AVEN: variants seen among roughly 807,000 people sequenced by gnomAD.
AVEN encodes the protein cell death regulator Aven.
AVEN carries 41 observed loss-of-function variants against 38.1 expected under a neutral mutation model. That is an observed-to-expected ratio of 1.08 (90% CI 0.84 to 1.40). The LOEUF is 1.40. Among genes scored for constraint, AVEN ranks in the 40% most tolerant of loss-of-function variants. The probability of loss-of-function intolerance (pLI) is 0.00; values close to 1 mark genes in which losing one functional copy is unlikely to be tolerated. For synonymous variants in AVEN, 206 were observed against 171.8 expected, an observed-to-expected ratio of 1.20 and a Z score of -1.56; for missense variants, 605 against 438.8, an observed-to-expected ratio of 1.38 and a Z score of -3.38.
chr15:33,997,686 T>C (rs1220572605), intron 2 of AVEN, among the ~76,000 whole-genome samples: 2 of 152,152 alleles, frequency 1.3e-5, no homozygotes, highest in Non-Finnish European at 2.9e-5. Flanking sequence ...GCCCCTCATC[T>C]TCTCTCATAT....
intron 1 of AVEN, among the ~76,000 whole-genome samples, chr15:34,030,212 C>G (rs764070316): frequency 3.9e-5 from 6 of 152,090 alleles, no homozygotes; most frequent in Admixed American, 6.5e-5. Context: ...TGAGATCACA[C>G]CACTGCATTC....
At chr15:33,937,362 T>C (rs1255232805) in intron 2 of AVEN, among the ~76,000 whole-genome samples, 1 of 150,522 alleles carries the variant, frequency 6.6e-6, no homozygotes, top group African/African-American at 2.4e-5. Context: ...GTGAAACCCA[T>C]CTCTACTAAA....
rs148989788 is a variant in AVEN at position 34,029,955 on chromosome 15, T to C, written c.267+8825A>G. Among the ~76,000 whole-genome samples the C allele has an allele frequency of 4.3e-4, 66 of 152,224 alleles. 1 individual carries two copies. The East Asian group carries it at 9.7e-3, about 22-fold the overall frequency. ...TAGAATGTGAACTCTAGATTCACAA[T>C]AGAACTATAAATTCCAAGCCGAGCA... On this transcript the variant is annotated intron_variant, in intron 1 of 5. Transcript: ENST00000306730.
downstream of AVEN, chr15:33,865,034 C>G: frequency 1.2e-6 from 1 of 816,714 alleles, no homozygotes; most frequent in South Asian, 1.6e-5. Flanking sequence ...AAATTCACAT[C>G]AGTCTTCCTA....
chr15:33,926,913 C>A (rs1216152099), intron 2 of AVEN, among the ~76,000 whole-genome samples: 2 of 151,978 alleles, frequency 1.3e-5, no homozygotes, highest in Non-Finnish European at 2.9e-5. Flanking sequence ...CCTCAGCCTC[C>A]CAAATTGCTA....
intron 1 of AVEN, among the ~76,000 whole-genome samples, chr15:34,011,517 G>A (rs1017579909): frequency 1.3e-5 from 2 of 152,150 alleles, no homozygotes; most frequent in Non-Finnish European, 2.9e-5. Flanking sequence ...TTAAGAATGG[G>A]AATAAAATGA....
intron 2 of AVEN, among the ~76,000 whole-genome samples, chr15:33,941,996 G>A (rs1437434670): frequency 1.3e-5 from 2 of 152,166 alleles, no homozygotes; most frequent in Non-Finnish European, 2.9e-5. Context: ...TCAGTCCTAG[G>A]AGGTTAGATA....
chr15:34,032,397 A>G, intron 1 of AVEN, among the ~76,000 whole-genome samples: 1 of 152,170 alleles, frequency 6.6e-6, no homozygotes, highest in East Asian at 1.9e-4. Flanking sequence ...CAGAAAACAC[A>G]TGCCAGTGGT....
intron 2 of AVEN, among the ~76,000 whole-genome samples, chr15:33,977,852 G>T (rs1895950972): frequency 6.6e-6 from 1 of 152,068 alleles, no homozygotes; most frequent in Non-Finnish European, 1.5e-5. Flanking sequence ...CAGGAGGATT[G>T]CTTGAGCCCA....
chr15:33,982,372 C>T (rs1896189598), intron 2 of AVEN, among the ~76,000 whole-genome samples: 2 of 151,698 alleles, frequency 1.3e-5, no homozygotes, highest in South Asian at 2.1e-4. Flanking sequence ...AGTAATGACC[C>T]CAAGAATTAC....
intron 2 of AVEN, among the ~76,000 whole-genome samples, chr15:33,890,995 G>T (rs1212402759): frequency 2.0e-5 from 3 of 152,050 alleles, no homozygotes; most frequent in African/African-American, 7.2e-5. Flanking sequence ...TGTAGTCCCA[G>T]CTACTTGAGA....
chr15:33,902,801 C>T (rs1280132118), intron 2 of AVEN, among the ~76,000 whole-genome samples: 7 of 152,046 alleles, frequency 4.6e-5, no homozygotes, highest in Admixed American at 3.9e-4. Flanking sequence ...GACAACAATC[C>T]CATTTTTGAT....
At chr15:33,945,058 G>A (rs1894458042) in intron 2 of AVEN, among the ~76,000 whole-genome samples, 1 of 152,152 alleles carries the variant, frequency 6.6e-6, no homozygotes, top group Admixed American at 6.5e-5. Context: ...CAGACCAGAT[G>A]AATTCAGTTC....
At chr15:33,906,833 T>C (rs780622779) in intron 2 of AVEN, among the ~76,000 whole-genome samples, 6 of 152,188 alleles carry the variant, frequency 3.9e-5, no homozygotes, top group Non-Finnish European at 7.3e-5. Flanking sequence ...TGCATAGCAG[T>C]GTGAATACAC....
At chr15:34,017,481 T>TTG (rs1181705278) in intron 1 of AVEN, among the ~76,000 whole-genome samples, 568 of 51,978 alleles carry the variant, frequency 0.011, 8 homozygotes, top group Middle Eastern at 0.048. Context: ...TGATTTTTTT[T>TTG]TTGTTTTTTT....
chr15:33,871,791 A>AAAAAAAAAAAAAAAAAAAAAAAAAG (rs1890965933), intron 3 of AVEN, among the ~76,000 whole-genome samples: 1 of 151,600 alleles, frequency 6.6e-6, no homozygotes, highest in African/African-American at 2.4e-5. Flanking sequence ...AAAAAAAAAA[A>AAAAAAAAAAAAAAAAAAAAAAAAAG]GCCACTTTGT....
upstream of AVEN, among the ~76,000 whole-genome samples, chr15:34,040,655 G>T (rs747212936): frequency 6.6e-6 from 1 of 151,986 alleles, no homozygotes; most frequent in Non-Finnish European, 1.5e-5. Flanking sequence ...CAGGCCAGGT[G>T]TGTGGTTCGT....
At chr15:33,853,115 C>T in the AVEN span, 6 of 1,543,660 alleles carry the variant, frequency 3.9e-6, no homozygotes, top group Admixed American at 4.2e-5. Flanking sequence ...GGGTGAGTTC[C>T]GTGATCACCA....
At chr15:34,050,789 A>C (rs1305282178) in intron 5 of AVEN, among the ~76,000 whole-genome samples, 1 of 152,234 alleles carries the variant, frequency 6.6e-6, no homozygotes. Flanking sequence ...TCAATTCAAC[A>C]AGAAGAGCTA....
Sources: allele counts gnomAD v4.1 joint callset (sites outside exome capture counted in the v4.1 genomes callset), GRCh38; gene constraint gnomAD v4.1.1; transcripts MANE v1.5; gene names NCBI Gene and HGNC (gene_info 2026-07-23, HGNC 2026-07-21).